DMD: variants seen among roughly 807,000 people sequenced by gnomAD.
The protein encoded by DMD is mutant dystrophin.
A neutral mutation model predicts 330.1 loss-of-function variants in DMD; 63 were observed. The observed-to-expected ratio is 0.19, with a 90% CI of 0.16 to 0.24. DMD has a LOEUF of 0.24. DMD is among the 10% of genes least tolerant of loss of function. DMD has a pLI of 1.00. For synonymous variants in DMD, 1,223 were observed against 959.8 expected, an observed-to-expected ratio of 1.27 and a Z score of -5.07; for missense variants, 3,344 against 2,684.1, an observed-to-expected ratio of 1.25 and a Z score of -5.43.
At chrX:32,768,310 G>A (rs963829785) in intron 7 of DMD, among the ~76,000 whole-genome samples, 1 of 111,751 alleles carries the variant, frequency 8.9e-6, no homozygotes. Flanking sequence ...CCCTGGATGT[G>A]TTTCTTGGAG....
At chrX:32,667,199 G>T (rs765200668) in intron 9 of DMD, among the ~76,000 whole-genome samples, 1 of 111,339 alleles carries the variant, frequency 9.0e-6, no homozygotes, top group South Asian at 3.8e-4. Context: ...CTCCTCATGC[G>T]TAGAAATCAC....
At chrX:31,234,172 A>G (rs755607025) in intron 63 of DMD, among the ~76,000 whole-genome samples, 3 of 111,660 alleles carry the variant, frequency 2.7e-5, no homozygotes, top group Non-Finnish European at 5.6e-5. Flanking sequence ...ATTTCTTTTC[A>G]GATCTTTGCC....
intron 12 of DMD, among the ~76,000 whole-genome samples, chrX:32,605,623 T>C (rs868379391): frequency 3.6e-5 from 4 of 110,656 alleles, no homozygotes; most frequent in Non-Finnish European, 7.6e-5. Flanking sequence ...AGACAACTTA[T>C]AGAATGGAAA....
At chrX:32,003,409 T>A (rs944734312) in intron 44 of DMD, among the ~76,000 whole-genome samples, 3 of 111,769 alleles carry the variant, frequency 2.7e-5, no homozygotes, top group Non-Finnish European at 5.7e-5. Context: ...CAAAACAAAA[T>A]CTTACCTTGC....
intron 30 of DMD, among the ~76,000 whole-genome samples, chrX:32,401,293 GCA>G (rs1167232594): frequency 1.8e-5 from 2 of 108,836 alleles, no homozygotes; most frequent in African/African-American, 6.8e-5. Context: ...TGACTAACCT[GCA>G]CAATGTGCAC....
chrX:33,325,497 G>C (rs1308902209), intron 1 of DMD, among the ~76,000 whole-genome samples: 2 of 112,109 alleles, frequency 1.8e-5, no homozygotes, highest in East Asian at 5.6e-4. Flanking sequence ...GAATTCCTAC[G>C]CTCTTTGCAG....
chrX:33,310,711 A>G (rs1477704540), intron 1 of DMD, among the ~76,000 whole-genome samples: 1 of 111,157 alleles, frequency 9.0e-6, no homozygotes. Context: ...GTATTGTTTC[A>G]TTTCCTGATT....
intron 43 of DMD, among the ~76,000 whole-genome samples, chrX:32,236,465 T>C (rs921609292): frequency 8.0e-5 from 9 of 112,242 alleles, no homozygotes; most frequent in Non-Finnish European, 1.5e-4. Context: ...CTTAGTACGA[T>C]ATGGTTTGGC....
intron 9 of DMD, 30 bp downstream of exon 9, chrX:32,697,840 T>A: frequency 8.3e-7 from 1 of 1,209,353 alleles, no homozygotes; most frequent in Non-Finnish European, 1.1e-6. Context: ...GTTCTCTGGT[T>A]TGTACAACAG....
At chrX:31,830,603 A>G (rs904863642) in intron 49 of DMD, among the ~76,000 whole-genome samples, 6 of 112,160 alleles carry the variant, frequency 5.3e-5, no homozygotes, top group Non-Finnish European at 1.1e-4. Context: ...TCAAAAACAA[A>G]CAAACAACCA....
Position 31,152,141 on chromosome X carries a change from G to C in DMD, c.10554-4623C>G, listed in dbSNP as rs563837935. Among the ~76,000 whole-genome samples, 25 of 107,559 alleles carry C rather than the reference G, an allele frequency of 2.3e-4. No homozygotes were observed. In the South Asian group the frequency reaches 9.3e-3, roughly 40 times the overall value. 93.4% of individuals were successfully genotyped at this position (107,559 alleles called of 115,157 possible). A position where few individuals can be genotyped will look rare whatever the true frequency, so the allele number is the denominator to read the frequency against. ...ATCCATCTCTGTTTCTTAGTTTCTTGTTATTTTAGCGAGTGGTACCCCTTA... is the reference window on the plus strand; with the variant it reads ...ATCCATCTCTGTTTCTTAGTTTCTTCTTATTTTAGCGAGTGGTACCCCTTA... On this transcript the variant is annotated intron_variant, in intron 74 of 78. Transcript: ENST00000357033.
intron 48 of DMD, among the ~76,000 whole-genome samples, chrX:31,848,418 T>C (rs1379977497): frequency 9.0e-6 from 1 of 111,703 alleles, no homozygotes; most frequent in African/African-American, 3.2e-5. Flanking sequence ...AGTGGCCGGC[T>C]TGTGTAAGGA....
chrX:31,127,250 AG>A (rs2033847370), intron 77 of DMD, among the ~76,000 whole-genome samples: 1 of 111,942 alleles, frequency 8.9e-6, no homozygotes, highest in African/African-American at 3.3e-5. Context: ...TGAGGGGAAG[AG>A]GTAAGTCCCA....
At chrX:31,338,122 C>T (rs1488794268) in intron 61 of DMD, among the ~76,000 whole-genome samples, 2 of 109,481 alleles carry the variant, frequency 1.8e-5, no homozygotes, top group African/African-American at 6.7e-5. Flanking sequence ...TTTGCTATCT[C>T]CTACTCCCCA....
intron 62 of DMD, among the ~76,000 whole-genome samples, chrX:31,292,136 TATCA>T (rs1283538338): frequency 2.7e-5 from 3 of 111,198 alleles, no homozygotes; most frequent in African/African-American, 9.8e-5. Context: ...AGTTAAGAAC[TATCA>T]ATCAAAAAAA....
intron 48 of DMD, among the ~76,000 whole-genome samples, chrX:31,863,648 A>G (rs1034419528): frequency 2.5e-4 from 28 of 111,924 alleles, no homozygotes; most frequent in Non-Finnish European, 4.9e-4. Flanking sequence ...ATTATTTATC[A>G]AAAGGTACAT....
chrX:33,148,429 G>A (rs763841431), intron 1 of DMD, among the ~76,000 whole-genome samples: 15 of 112,006 alleles, frequency 1.3e-4, no homozygotes, highest in Admixed American at 5.7e-4. Flanking sequence ...CTACACGAGC[G>A]TCCCAGTTTT....
At chrX:31,585,020 C>T (rs1253440074) in intron 55 of DMD, among the ~76,000 whole-genome samples, 1 of 109,891 alleles carries the variant, frequency 9.1e-6, no homozygotes, top group African/African-American at 3.3e-5. Flanking sequence ...GGCTATTTTC[C>T]CAACTAGAAT....
chrX:33,114,603 G>A (rs1417823641), intron 1 of DMD, among the ~76,000 whole-genome samples: 3 of 111,225 alleles, frequency 2.7e-5, no homozygotes, highest in Non-Finnish European at 5.6e-5. Context: ...CAACAAGAGC[G>A]TAATGAAAAA....
Sources: gnomAD v4.1 joint callset for allele counts (sites outside exome capture counted in the v4.1 genomes callset) on GRCh38, gnomAD v4.1.1 for gene constraint, MANE v1.5 for transcripts, NCBI Gene and HGNC (gene_info 2026-07-23, HGNC 2026-07-21) for gene names.